ZCCHC17: variants seen among roughly 807,000 people sequenced by gnomAD.
The protein encoded by ZCCHC17 is zinc finger CCHC domain-containing protein 17.
In ZCCHC17, 18 loss-of-function variants were observed where a neutral mutation model predicts 30.6. The observed-to-expected ratio is 0.59, with a 90% CI of 0.41 to 0.87. The LOEUF (loss-of-function observed/expected upper bound fraction) is 0.87. ZCCHC17 is among the 40% of genes least tolerant of loss of function. ZCCHC17 has a pLI of 0.00. For synonymous variants in ZCCHC17, 88 were observed against 92.4 expected, an observed-to-expected ratio of 0.95 and a Z score of 0.27; for missense variants, 263 against 284.2, an observed-to-expected ratio of 0.93 and a Z score of 0.54.
intron 1 of ZCCHC17, among the ~76,000 whole-genome samples, chr1:31,301,950 G>A (rs1485899592): frequency 6.6e-6 from 1 of 152,124 alleles, no homozygotes; most frequent in Non-Finnish European, 1.5e-5. Flanking sequence ...TGTCCCGGCC[G>A]GGTGCGGTGG....
intron 4 of ZCCHC17, among the ~76,000 whole-genome samples, chr1:31,337,508 C>A (rs545807563): frequency 6.6e-6 from 1 of 152,124 alleles, no homozygotes; most frequent in South Asian, 2.1e-4. Flanking sequence ...GTTTGTAAAA[C>A]TTCCCTCCCT....
chr1:31,335,750 CA>C (rs932386198), intron 3 of ZCCHC17, among the ~76,000 whole-genome samples: 6 of 152,080 alleles, frequency 3.9e-5, no homozygotes, highest in African/African-American at 1.4e-4. Context: ...TAGTGACTTC[CA>C]AAAGTTTATT....
At chr1:31,339,603 A>G (rs1230328314) in intron 5 of ZCCHC17, among the ~76,000 whole-genome samples, 1 of 152,238 alleles carries the variant, frequency 6.6e-6, no homozygotes, top group Non-Finnish European at 1.5e-5. Context: ...CTGGCATTGG[A>G]GTGCTCCATC....
intron 5 of ZCCHC17, among the ~76,000 whole-genome samples, chr1:31,342,951 A>AGT (rs1351547307): frequency 6.6e-6 from 1 of 152,224 alleles, no homozygotes. Flanking sequence ...AAAAGCACAT[A>AGT]GTACATTTGG....
At position 31,311,657 on chromosome 1, in the gene ZCCHC17, C is replaced by T. The variant is rs1057158548; in HGVS notation, c.66+1493C>T. Among the ~76,000 whole-genome samples, 9 of 152,280 alleles carry T rather than the reference C, an allele frequency of 5.9e-5. No homozygotes were observed. The East Asian group carries it at 1.7e-3, about 29-fold the overall frequency. ...GAAGAAATGCTGTGTCCTCACATGACGGAAGGGACAGAAGGAGCGAACTCA... is the reference window on the plus strand; with the variant it reads ...GAAGAAATGCTGTGTCCTCACATGATGGAAGGGACAGAAGGAGCGAACTCA... On this transcript the variant is annotated intron_variant, in intron 2 of 7. Transcript: ENST00000344147.
intron 1 of ZCCHC17, among the ~76,000 whole-genome samples, chr1:31,300,982 G>T (rs376210611): frequency 2.2e-4 from 34 of 151,930 alleles, no homozygotes; most frequent in East Asian, 1.2e-3. Flanking sequence ...AGTGTGTGTG[G>T]CCCTTGGAAT....
intron 2 of ZCCHC17, among the ~76,000 whole-genome samples, chr1:31,312,531 G>T (rs1242077246): frequency 6.6e-6 from 1 of 152,104 alleles, no homozygotes; most frequent in Non-Finnish European, 1.5e-5. Context: ...TGAGCCTTTA[G>T]GGTGTCACTT....
intron 1 of ZCCHC17, among the ~76,000 whole-genome samples, chr1:31,301,879 T>C (rs1033652181): frequency 3.9e-5 from 6 of 152,200 alleles, no homozygotes. Context: ...CTATCTTACA[T>C]GGTCACTCTA....
At chr1:31,321,872 T>A (rs987750050) in intron 3 of ZCCHC17, among the ~76,000 whole-genome samples, 6 of 152,210 alleles carry the variant, frequency 3.9e-5, no homozygotes, top group African/African-American at 1.4e-4. Flanking sequence ...TGCAAAGATT[T>A]TTATGTAACA....
chr1:31,310,751 C>T (rs1646580961), intron 2 of ZCCHC17, among the ~76,000 whole-genome samples: 3 of 152,218 alleles, frequency 2.0e-5, no homozygotes, highest in Admixed American at 2.0e-4. Flanking sequence ...TAAAGTAACA[C>T]AGAACATACT....
chr1:31,354,059 A>G (rs986989666), intron 7 of ZCCHC17, among the ~76,000 whole-genome samples: 10 of 152,232 alleles, frequency 6.6e-5, no homozygotes, highest in Non-Finnish European at 1.2e-4. Context: ...TTTCAACTGT[A>G]TTAAATCTTC....
At chr1:31,329,334 C>T (rs1003920851) in intron 3 of ZCCHC17, among the ~76,000 whole-genome samples, 6 of 152,038 alleles carry the variant, frequency 3.9e-5, no homozygotes, top group Non-Finnish European at 5.9e-5. Context: ...GCAGTGCAAC[C>T]CTATACAATT....
intron 3 of ZCCHC17, among the ~76,000 whole-genome samples, chr1:31,334,922 G>A (rs142756225): frequency 1.0e-3 from 156 of 152,278 alleles, no homozygotes; most frequent in Non-Finnish European, 1.6e-3. Flanking sequence ...TTTTTCCTAT[G>A]TATAAAGTTA....
At chr1:31,352,566 C>T (rs1191103040) in intron 7 of ZCCHC17, among the ~76,000 whole-genome samples, 2 of 152,152 alleles carry the variant, frequency 1.3e-5, no homozygotes, top group African/African-American at 2.4e-5. Context: ...TCACTGCAGC[C>T]TCAACCTCCT....
At chr1:31,328,150 G>A (rs1385106771) in intron 3 of ZCCHC17, among the ~76,000 whole-genome samples, 3 of 152,178 alleles carry the variant, frequency 2.0e-5, no homozygotes, top group East Asian at 3.8e-4. Context: ...CAGCAACAGT[G>A]TGTGATAACT....
intron 3 of ZCCHC17, among the ~76,000 whole-genome samples, chr1:31,328,437 G>A (rs1208915048): frequency 6.6e-6 from 1 of 151,984 alleles, no homozygotes; most frequent in Non-Finnish European, 1.5e-5. Context: ...GAGCCTGGGA[G>A]GCAGAGGTTG....
At chr1:31,339,581 C>T (rs999551774) in intron 5 of ZCCHC17, among the ~76,000 whole-genome samples, 7 of 152,200 alleles carry the variant, frequency 4.6e-5, no homozygotes, top group African/African-American at 1.2e-4. Context: ...GAAACGTTAA[C>T]GTACCAAGCT....
chr1:31,364,374 C>G lies in ZCCHC17; in HGVS notation c.*181C>G, dbSNP rs1049794491. 5.6e-5 allele frequency: 62 copies of G among 1,106,722 alleles called. No individual in the cohort carries two copies. Among genetic ancestry groups the G allele is most frequent in the Non-Finnish European group, 6.6e-5 (53 of 797,232 alleles). The allele number at this position is 1,106,722 out of a possible 1,614,324, so 68.6% of individuals were successfully genotyped here. A position where few individuals can be genotyped will look rare whatever the true frequency, so the allele number is the denominator to read the frequency against. On this transcript the variant is annotated 3_prime_UTR_variant, in exon 8 of 8. Transcript: ENST00000344147. ...GGAGTTAGAGGTCAAAAGCAGCTGC[C>G]TGAATGAGTTGTTGTTTCCTTATCA...
chr1:31,299,039 G>T (rs970324790), intron 1 of ZCCHC17, among the ~76,000 whole-genome samples: 3 of 152,196 alleles, frequency 2.0e-5, no homozygotes, highest in African/African-American at 7.2e-5. Flanking sequence ...TTATCATCAT[G>T]GAGGTCACAG....
Sources: gnomAD v4.1 joint callset for allele counts (sites outside exome capture counted in the v4.1 genomes callset) on GRCh38, gnomAD v4.1.1 for gene constraint, MANE v1.5 for transcripts, NCBI Gene and HGNC (gene_info 2026-07-23, HGNC 2026-07-21) for gene names.